Variants in KCNIP4 observed in about 807,000 individuals in gnomAD.
The protein encoded by KCNIP4 is Kv channel-interacting protein 4.
In KCNIP4, 12 loss-of-function variants were observed where a neutral mutation model predicts 34.0. The observed-to-expected ratio is 0.35, with a 90% CI of 0.23 to 0.57. The LOEUF (loss-of-function observed/expected upper bound fraction) is 0.57. Ranked by LOEUF, KCNIP4 falls within the 20% of genes least tolerant of loss-of-function variation. The pLI, the probability that KCNIP4 is intolerant of heterozygous loss-of-function variation, is 0.83. For synonymous variants in KCNIP4, 124 were observed against 102.2 expected, an observed-to-expected ratio of 1.21 and a Z score of -1.29; for missense variants, 238 against 311.7, an observed-to-expected ratio of 0.76 and a Z score of 1.78.
At chr4:20,997,417 G>A (rs1737654590) in intron 1 of KCNIP4, among the ~76,000 whole-genome samples, 2 of 152,286 alleles carry the variant, frequency 1.3e-5, no homozygotes, top group Non-Finnish European at 2.9e-5. Flanking sequence ...AGGACAGGAG[G>A]TATCAAAGGT....
chr4:21,722,410 T>C (rs1714881353), intron 1 of KCNIP4, among the ~76,000 whole-genome samples: 1 of 152,112 alleles, frequency 6.6e-6, no homozygotes. Context: ...AGTAGGTTTT[T>C]GGCCACTGGG....
At chr4:21,724,585 C>T (rs1297943029) in intron 1 of KCNIP4, among the ~76,000 whole-genome samples, 2 of 147,078 alleles carry the variant, frequency 1.4e-5, no homozygotes, top group African/African-American at 5.1e-5. Flanking sequence ...TTTTTTTTAA[C>T]CTCTTCAGTA....
intron 1 of KCNIP4, among the ~76,000 whole-genome samples, chr4:21,896,127 TC>T: frequency 6.6e-6 from 1 of 152,292 alleles, no homozygotes; most frequent in Non-Finnish European, 1.5e-5. Context: ...TTACAACCTC[TC>T]TATGCGACAG....
chr4:21,690,396 C>T (rs1248915060), intron 1 of KCNIP4, among the ~76,000 whole-genome samples: 2 of 152,020 alleles, frequency 1.3e-5, no homozygotes, highest in African/African-American at 2.4e-5. Context: ...GAGGTGGTGG[C>T]TAGTGGGAGT....
intron 1 of KCNIP4, among the ~76,000 whole-genome samples, chr4:20,961,036 A>C (rs1326379481): frequency 6.6e-6 from 1 of 152,190 alleles, no homozygotes; most frequent in Non-Finnish European, 1.5e-5. Context: ...TTATTTAATA[A>C]CTTTCTGAAT....
At chr4:21,307,926 G>T (rs1218723610) in intron 1 of KCNIP4, among the ~76,000 whole-genome samples, 2 of 152,164 alleles carry the variant, frequency 1.3e-5, no homozygotes, top group Admixed American at 6.5e-5. Flanking sequence ...AGCCAAGAAG[G>T]TTGCCCTGCC....
intron 3 of KCNIP4, among the ~76,000 whole-genome samples, chr4:20,835,490 A>G (rs1015015870): frequency 1.3e-5 from 2 of 152,064 alleles, no homozygotes; most frequent in Non-Finnish European, 2.9e-5. Context: ...AGGGCTGCTA[A>G]GAGAATAAAG....
chr4:21,548,089 T>C (rs1738282154), intron 1 of KCNIP4, among the ~76,000 whole-genome samples: 1 of 152,124 alleles, frequency 6.6e-6, no homozygotes, highest in Admixed American at 6.6e-5. Context: ...ATATATGGCA[T>C]ATTGTTAATG....
chr4:21,054,522 A>C (rs1201505104), intron 1 of KCNIP4, among the ~76,000 whole-genome samples: 1 of 119,032 alleles, frequency 8.4e-6, no homozygotes, highest in Non-Finnish European at 1.7e-5. Flanking sequence ...TCTGTCAAAG[A>C]AAAAAAAAAA....
intron 1 of KCNIP4, among the ~76,000 whole-genome samples, chr4:21,679,126 T>C (rs943572754): frequency 6.6e-6 from 1 of 152,170 alleles, no homozygotes; most frequent in Admixed American, 6.5e-5. Flanking sequence ...TAGCCTCAAT[T>C]GCTGTGAGAA....
intron 1 of KCNIP4, among the ~76,000 whole-genome samples, chr4:20,961,826 G>A (rs544120283): frequency 3.3e-5 from 5 of 152,174 alleles, no homozygotes; most frequent in South Asian, 2.1e-4. Context: ...CTAATGCACT[G>A]TATACACAAC....
intron 1 of KCNIP4, among the ~76,000 whole-genome samples, chr4:21,399,955 T>C (rs1723331843): frequency 6.6e-6 from 1 of 152,172 alleles, no homozygotes; most frequent in Admixed American, 6.5e-5. Context: ...GTGTTGTATA[T>C]ACTTTCCTGG....
intron 1 of KCNIP4, among the ~76,000 whole-genome samples, chr4:21,637,605 A>T (rs1746293470): frequency 6.6e-6 from 1 of 152,024 alleles, no homozygotes; most frequent in Non-Finnish European, 1.5e-5. Context: ...GAACATGGTA[A>T]AACCCTGTCT....
chr4:20,763,891 C>T (rs1006817007), intron 3 of KCNIP4, among the ~76,000 whole-genome samples: 1 of 152,096 alleles, frequency 6.6e-6, no homozygotes, highest in African/African-American at 2.4e-5. Flanking sequence ...AGTCATTTAG[C>T]AGTATAAATT....
intron 5 of KCNIP4, among the ~76,000 whole-genome samples, chr4:20,741,538 C>G (rs4414951): frequency 6.6e-6 from 1 of 151,982 alleles, no homozygotes; most frequent in Non-Finnish European, 1.5e-5. Flanking sequence ...AAAGACACAA[C>G]GTACCAGAAT....
rs539091235 is a variant in KCNIP4, at chr4:21,763,704, T to G, written c.61+184867A>C. On this transcript the variant is annotated intron_variant, in intron 1 of 8. Transcript: ENST00000382152. Reference sequence around the variant, plus strand: ...TAAAGAAAACCCAGCACAGTTATTCTGAGGATTAAATAACATAAGTAGAAT... The same window carrying G: ...TAAAGAAAACCCAGCACAGTTATTCGGAGGATTAAATAACATAAGTAGAAT... 8.5e-5 allele frequency among the ~76,000 whole-genome samples: 13 copies of G among 152,314 alleles called. No individual in the cohort carries two copies. In the South Asian group the frequency reaches 2.5e-3, roughly 29 times the overall value.
At chr4:20,993,616 G>A (rs1324289464) in intron 1 of KCNIP4, among the ~76,000 whole-genome samples, 3 of 152,122 alleles carry the variant, frequency 2.0e-5, no homozygotes, top group Non-Finnish European at 4.4e-5. Context: ...CATTCTTCTG[G>A]GAATGAGTTT....
chr4:20,966,484 AAAGT>A (rs1302264713), intron 1 of KCNIP4, among the ~76,000 whole-genome samples: 1 of 152,200 alleles, frequency 6.6e-6, no homozygotes, highest in African/African-American at 2.4e-5. Flanking sequence ...CTTAGTACTA[AAAGT>A]AAGACTAGCA....
rs144981980 is a variant in KCNIP4, at chr4:21,687,713, A to T, written c.61+260858T>A. Among the ~76,000 whole-genome samples the T allele has an allele frequency of 2.0e-3, 311 of 152,226 alleles. 1 individual carries two copies. The highest frequency in any genetic ancestry group is 3.4e-3 in the Middle Eastern group (1 of 294). ...AAGATTGCCTCTTTTTACTCTCAAA[A>T]ATGTCCTAGTTTTGGTGACCCTCTC... is the stretch of plus-strand genomic sequence containing the variant. On this transcript the variant is annotated intron_variant, in intron 1 of 8. Transcript: ENST00000382152.
Sources: gnomAD v4.1 joint callset for allele counts (sites outside exome capture counted in the v4.1 genomes callset) on GRCh38, gnomAD v4.1.1 for gene constraint, MANE v1.5 for transcripts, NCBI Gene and HGNC (gene_info 2026-07-23, HGNC 2026-07-21) for gene names.